Variants in VPS8 observed in about 807,000 individuals in gnomAD.
VPS8 encodes vacuolar protein sorting-associated protein 8 homolog.
In VPS8, 129 loss-of-function variants were observed where a neutral mutation model predicts 216.4. That is an observed-to-expected ratio of 0.60 (90% confidence interval 0.52 to 0.69). The LOEUF (loss-of-function observed/expected upper bound fraction) is 0.69, where lower values mean the gene tolerates loss of function less well. VPS8 is among the 30% of genes least tolerant of loss of function. The pLI is 0.00. For synonymous variants in VPS8, 571 were observed against 565.4 expected (o/e 1.01, Z -0.14); for missense variants, 1,531 against 1,683.5 (o/e 0.91, Z 1.59).
chr3:184,822,025 A>G (rs774658228), intron 1 of VPS8, among the ~76,000 whole-genome samples: 1 of 152,126 alleles, frequency 6.6e-6, no homozygotes, highest in Non-Finnish European at 1.5e-5. Context: ...AGCAAACAAC[A>G]CAAATGTCCA....
intron 5 of VPS8, among the ~76,000 whole-genome samples, chr3:184,837,924 C>G (rs770463510): frequency 6.6e-6 from 1 of 152,200 alleles, no homozygotes; most frequent in Non-Finnish European, 1.5e-5. Context: ...ATACATCTCT[C>G]TAGGTCTGAG....
chr3:184,849,878 A>G, intron 9 of VPS8, 58 bp from the exon 10 acceptor site: 1 of 1,290,220 alleles, frequency 7.8e-7, no homozygotes, highest in South Asian at 1.2e-5. Flanking sequence ...AAGGCAGGAT[A>G]CTTAAGTCCA....
At chr3:184,978,031 T>C (rs1170320764) in intron 40 of VPS8, among the ~76,000 whole-genome samples, 1 of 151,968 alleles carries the variant, frequency 6.6e-6, no homozygotes, top group African/African-American at 2.4e-5. Flanking sequence ...TTTATATGCC[T>C]GGTAGAATTT....
intron 34 of VPS8, among the ~76,000 whole-genome samples, chr3:184,934,266 G>A (rs1374992328): frequency 6.6e-6 from 1 of 152,020 alleles, no homozygotes; most frequent in Admixed American, 6.6e-5. Context: ...AGCCTCCTGG[G>A]TTCAAATGAT....
intron 4 of VPS8, among the ~76,000 whole-genome samples, chr3:184,833,163 C>T (rs1720359906): frequency 6.6e-6 from 1 of 152,116 alleles, no homozygotes; most frequent in South Asian, 2.1e-4. Context: ...TCCCGCACCT[C>T]CCTGTCATCC....
At chr3:184,839,405 AT>A (rs1721707706) in intron 6 of VPS8, 2 of 311,328 alleles carry the variant, frequency 6.4e-6, no homozygotes, top group South Asian at 9.6e-5. Flanking sequence ...TGGATCCCTG[AT>A]TTTTTATTTG....
intron 17 of VPS8, 72 bp downstream of exon 17, chr3:184,867,022 A>G: frequency 2.8e-6 from 4 of 1,416,586 alleles, no homozygotes; most frequent in Non-Finnish European, 3.9e-6. Context: ...GATTGCTGGT[A>G]AAGAGGGCAG....
At chr3:184,886,666 G>A (rs1257310932) in intron 22 of VPS8, among the ~76,000 whole-genome samples, 1 of 151,328 alleles carries the variant, frequency 6.6e-6, no homozygotes, top group African/African-American at 2.4e-5. Context: ...TGCAACCTCC[G>A]CCTCCCGGGT....
At chr3:185,043,405 C>T (rs1243838113) in intron 46 of VPS8, among the ~76,000 whole-genome samples, 1 of 152,200 alleles carries the variant, frequency 6.6e-6, no homozygotes, top group Non-Finnish European at 1.5e-5. Context: ...CCCAGCCCTT[C>T]CCTCACAAGA....
chr3:184,896,316 T>C (rs564874361), intron 23 of VPS8, among the ~76,000 whole-genome samples: 89 of 152,286 alleles, frequency 5.8e-4, no homozygotes, highest in African/African-American at 2.0e-3. Flanking sequence ...TATAATACTT[T>C]ATAACATTTT....
rs193090301 is a variant in VPS8 at position 184,880,054 on chromosome 3, G to A, written c.1735-6056G>A. ...TTAATTGAGTTAGGAACAGTTAGTG[G>A]CAGGCATAAAAAGTATGTGTATTTG... On this transcript the variant is annotated intron_variant, in intron 21 of 47. Transcript: ENST00000625842. Among the ~76,000 whole-genome samples the A allele has an allele frequency of 3.7e-4, 56 of 152,238 alleles. 1 individual carries two copies. The highest frequency in any genetic ancestry group is 1.3e-3 in the African/African-American group (52 of 41,538).
chr3:185,042,587 G>A (rs987176733), intron 46 of VPS8, among the ~76,000 whole-genome samples: 19 of 152,090 alleles, frequency 1.2e-4, no homozygotes, highest in South Asian at 4.2e-4. Flanking sequence ...AAATACCTCC[G>A]TTACATTGTG....
intron 42 of VPS8, among the ~76,000 whole-genome samples, chr3:184,987,396 G>A (rs544530864): frequency 3.5e-5 from 5 of 141,622 alleles, no homozygotes; most frequent in South Asian, 2.4e-4. Flanking sequence ...TTACAGGTGC[G>A]AGTCACCGTG....
rs1726488016 is a variant in VPS8, at chr3:184,862,100, A to G, written c.1225-797A>G. On this transcript the variant is annotated intron_variant, in intron 15 of 47. Coordinates refer to ENST00000625842, the MANE Select transcript of VPS8 (RefSeq NM_001009921.3). Reference sequence around the variant, plus strand: ...GACATTATGCAAATAATATCTGATGACATGGAATAGAACATACAAATACAC... The same window carrying G: ...GACATTATGCAAATAATATCTGATGGCATGGAATAGAACATACAAATACAC... Among the ~76,000 whole-genome samples, 3 of 152,202 alleles carry G rather than the reference A, an allele frequency of 2.0e-5. No individual in the cohort carries two copies. The South Asian group carries it at 6.2e-4, about 31-fold the overall frequency.
intron 25 of VPS8, among the ~76,000 whole-genome samples, chr3:184,903,336 T>TGCA (rs1734912442): frequency 6.6e-6 from 1 of 152,262 alleles, no homozygotes; most frequent in Non-Finnish European, 1.5e-5. Flanking sequence ...GCTCATTTGA[T>TGCA]TTTCTTTGAG....
At chr3:184,848,655 G>C (rs1323923692) in intron 8 of VPS8, among the ~76,000 whole-genome samples, 1 of 139,312 alleles carries the variant, frequency 7.2e-6, no homozygotes, top group Non-Finnish European at 1.5e-5. Flanking sequence ...TGCAACCTCT[G>C]CCTCCCAAGT....
chr3:184,925,641 G>C (rs1739450869), intron 30 of VPS8, among the ~76,000 whole-genome samples: 1 of 152,096 alleles, frequency 6.6e-6, no homozygotes, highest in Non-Finnish European at 1.5e-5. Flanking sequence ...TCTTAATAGA[G>C]TTAGTATCCA....
chr3:184,960,788 A>T (rs755777938), intron 37 of VPS8, among the ~76,000 whole-genome samples: 4 of 152,228 alleles, frequency 2.6e-5, no homozygotes, highest in Non-Finnish European at 5.9e-5. Context: ...GAATAGGATC[A>T]CAGTTCACTG....
At chr3:184,841,482 T>G (rs1428542381) in intron 7 of VPS8, among the ~76,000 whole-genome samples, 1 of 152,176 alleles carries the variant, frequency 6.6e-6, no homozygotes, top group African/African-American at 2.4e-5. Flanking sequence ...TATAAGACAT[T>G]TAAGTTGTTT....
Sources: gnomAD v4.1 joint callset for allele counts (sites outside exome capture counted in the v4.1 genomes callset) on GRCh38, gnomAD v4.1.1 for gene constraint, MANE v1.5 for transcripts, NCBI Gene and HGNC (gene_info 2026-07-23, HGNC 2026-07-21) for gene names.